PRMT5: variants seen among roughly 807,000 people sequenced by gnomAD.
PRMT5 encodes the protein protein arginine methyltransferase 5.
In PRMT5, 15 loss-of-function variants were observed where a neutral mutation model predicts 84.0. The observed-to-expected ratio is 0.18, with a 90% CI of 0.12 to 0.28. PRMT5 has a LOEUF of 0.28. PRMT5 is among the 10% of genes least tolerant of loss of function. The pLI, the probability that PRMT5 is intolerant of heterozygous loss-of-function variation, is 1.00. For synonymous variants in PRMT5, 276 were observed against 292.4 expected (o/e 0.94, Z 0.57); for missense variants, 486 against 808.0 (o/e 0.60, Z 4.83).
intron 15 of PRMT5, 91 bp downstream of exon 15, chr14:22,922,352 G>C (rs2044319416): frequency 7.1e-7 from 1 of 1,406,364 alleles, no homozygotes. Context: ...TTGAGCACTG[G>C]GCCCCCCATA....
chr14:22,926,651 T>TC (rs747016943), intron 5 of PRMT5, 51 bp downstream of exon 5: 2 of 1,595,706 alleles, frequency 1.3e-6, no homozygotes, highest in South Asian at 2.2e-5. Flanking sequence ...ACCCTGTACT[T>TC]CCCCTCACCC....
At position 22,924,982 on chromosome 14, in the gene PRMT5, G is replaced by A. The variant is rs746326415; in HGVS notation, c.836C>T (p.Ser279Phe). 1 of 1,614,062 alleles carries A rather than the reference G, an allele frequency of 6.2e-7. No individual in the cohort carries two copies. Among genetic ancestry groups the A allele is most frequent in the Non-Finnish European group, 8.5e-7 (1 of 1,180,008 alleles). ...TAAGTATTCCAGGTATTGGAGGTAGGAGCAGAACTCCTTCTCTGAGTGGTG... is the reference window on the plus strand; with the variant it reads ...TAAGTATTCCAGGTATTGGAGGTAGAAGCAGAACTCCTTCTCTGAGTGGTG... Reference protein sequence around the residue: ...TNHHSEKEFCSYLQYLEYLSQ... With the variant: ...TNHHSEKEFCFYLQYLEYLSQ... Residue 279 changes from serine (S) to phenylalanine (F), a missense_variant, in exon 8 of 17, where the codon TCC becomes TTC. Coordinates refer to ENST00000324366, the MANE Select transcript of PRMT5 (RefSeq NM_006109.5). The surrounding 1 kb of genome is among the most constrained non-coding windows in gnomAD (Gnocchi z 6.5).
Position 22,924,547 on chromosome 14 carries a change from GGA to G in PRMT5, c.1018-12_1018-11del, listed in dbSNP as rs760855896. The G allele has an allele frequency of 6.2e-7, 1 of 1,613,870 alleles. No individual in the cohort carries two copies. The highest frequency in any genetic ancestry group is 2.2e-5 in the East Asian group (1 of 44,868). On this transcript the variant is annotated splice_polypyrimidine_tract_variant and intron_variant, in intron 9 of 16. Transcript: ENST00000324366. The surrounding 1 kb of genome is among the most constrained non-coding windows in gnomAD (Gnocchi z 6.5). ...GACATTTATAGATGGCCTGGAGGGA[GGA>G]GAGAATATCCCATGGTTGTAATCCC... is the stretch of plus-strand genomic sequence containing the variant.
chr14:22,922,283 G>A (rs745600051), intron 15 of PRMT5, 43 bp from the exon 16 acceptor site: 1 of 1,531,968 alleles, frequency 6.5e-7, no homozygotes, highest in South Asian at 1.1e-5. Flanking sequence ...CTCCATGGCT[G>A]TGACTTTTGC....
intron 5 of PRMT5, 26 bp downstream of exon 5, chr14:22,926,676 T>G: frequency 6.2e-7 from 1 of 1,607,604 alleles, no homozygotes; most frequent in Non-Finnish European, 8.5e-7. Flanking sequence ...CCTTGCACCC[T>G]GGTACAGCAG....
Position 22,922,935 on chromosome 14 carries a change from A to G in PRMT5, c.1486-100T>C, listed in dbSNP as rs2044336961. On this transcript the variant is annotated intron_variant, in intron 13 of 16. Transcript: ENST00000324366. ...AAAGTTTTACTTTAGTGCTTCCCCAATCCCTAACTTCTCCTTCACCTCTTC... is the reference window on the plus strand; with the variant it reads ...AAAGTTTTACTTTAGTGCTTCCCCAGTCCCTAACTTCTCCTTCACCTCTTC... 5.7e-6 allele frequency: 8 copies of G among 1,403,794 alleles called. No individual in the cohort carries two copies. The East Asian group carries it at 1.7e-4, about 30-fold the overall frequency. 87.0% of individuals were successfully genotyped at this position (1,403,794 alleles called of 1,614,324 possible).
Position 22,923,909 on chromosome 14 carries a change from A to C in PRMT5, c.1375+99T>G, listed in dbSNP as rs1447920948. The C allele has an allele frequency of 2.2e-6, 3 of 1,347,162 alleles. No individual in the cohort carries two copies. The Admixed American group carries it at 7.1e-5, about 32-fold the overall frequency. 83.5% of individuals were successfully genotyped at this position (1,347,162 alleles called of 1,614,324 possible). On this transcript the variant is annotated intron_variant, in intron 12 of 16. Coordinates refer to ENST00000324366, the MANE Select transcript of PRMT5 (RefSeq NM_006109.5). This position sits in a 1 kb window ranked among gnomAD's most constrained non-coding sequence, Gnocchi z 5.2. ...GTGGCTCTCAAACTCATATGATGTG[A>C]CCCAGGTCCAACCCACTTTCCCCTA...
chr14:22,921,245 G>GA, intron 16 of PRMT5, 189 bp from the exon 17 acceptor site: 1 of 649,518 alleles, frequency 1.5e-6, no homozygotes, highest in Non-Finnish European at 2.6e-6. Context: ...TACAGAGTCA[G>GA]AAAAACACCT....
intron 14 of PRMT5, 52 bp from the exon 15 acceptor site, chr14:22,922,611 T>C (rs2044326224): frequency 6.5e-7 from 1 of 1,541,506 alleles, no homozygotes; most frequent in African/African-American, 1.4e-5. Context: ...TCTAGACAAC[T>C]TGATAAAGCA....
rs780778971 is a variant in PRMT5 at position 22,922,542 on chromosome 14, T to C, written c.1597A>G (p.Asn533Asp). 1.2e-6 allele frequency: 2 copies of C among 1,613,804 alleles called. No homozygotes were observed. The highest frequency in any genetic ancestry group is 1.7e-6 in the Non-Finnish European group (2 of 1,179,676). Residue 533 changes from asparagine (N) to aspartate (D), a missense_variant, in exon 15 of 17, where the codon AAC becomes GAC. Physicochemically the swap from Asn to Asp is conservative, Grantham distance 23 (BLOSUM62 1). Coordinates refer to ENST00000324366, the MANE Select transcript of PRMT5 (RefSeq NM_006109.5). Reference sequence around the variant, plus strand: ...GGAAATTCCAAGGTGCAATAGCGGTTGTTGTCAATCATAGGATCTGTCAGG... The same window carrying C: ...GGAAATTCCAAGGTGCAATAGCGGTCGTTGTCAATCATAGGATCTGTCAGG... ...HPNRDPMIDN[N>D]RYCTLEFPVE... is the part of the protein sequence containing the mutation.
Position 22,922,191 on chromosome 14 carries a change from G to A in PRMT5, c.1746C>T (p.Ile582=). Residue 582 remains isoleucine (I), a synonymous_variant, in exon 16 of 17, where the codon ATC becomes ATT. Coordinates refer to ENST00000324366, the MANE Select transcript of PRMT5 (RefSeq NM_006109.5). ...HSPGMFSWFP[I]LFPIKQPITV... is the part of the protein sequence containing the mutation. ...CAGTTCCTACCTTAATAGGGAAGAG[G>A]ATGGGAAACCATGAGAACATCCCAG... 6.3e-7 allele frequency: 1 copy of A among 1,586,846 alleles called. No homozygotes were observed. The highest frequency in any genetic ancestry group is 1.3e-5 in the African/African-American group (1 of 74,420).
chr14:22,921,997 G>A lies in PRMT5; in HGVS notation c.1761+179C>T, dbSNP rs1014164882. 23 of 642,042 alleles carry A rather than the reference G, an allele frequency of 3.6e-5. No individual in the cohort carries two copies. The African/African-American group carries it at 3.6e-4, about 10-fold the overall frequency. 39.8% of individuals were successfully genotyped at this position (642,042 alleles called of 1,614,324 possible). ...ACAGAAGAGTAGCCAGAGTAGATGCGGGAAAGCCAGGCAGAAGGCCACTCC... is the reference window on the plus strand; with the variant it reads ...ACAGAAGAGTAGCCAGAGTAGATGCAGGAAAGCCAGGCAGAAGGCCACTCC... On this transcript the variant is annotated intron_variant, in intron 16 of 16. Coordinates refer to ENST00000324366, the MANE Select transcript of PRMT5 (RefSeq NM_006109.5).
chr14:22,928,933 TC>T lies in PRMT5; in HGVS notation c.110+318del, dbSNP rs2044485621. ...GATTTGCCCCAGTTCTGCCCATGCC[TC>T]CCCCGTCAAAATTAGCCTCTTCTCT... On this transcript the variant is annotated intron_variant, in intron 1 of 16. Transcript: ENST00000324366. This position sits in a 1 kb window ranked among gnomAD's most constrained non-coding sequence, Gnocchi z 4.8. The T allele has an allele frequency of 1.6e-6, 1 of 609,616 alleles. No individual in the cohort carries two copies. The allele number at this position is 609,616 out of a possible 1,614,324, so 37.8% of individuals were successfully genotyped here.
In PRMT5 at chr14:22,924,543, G is replaced by C. The variant is rs2044374910; in HGVS notation, c.1018-6C>G. 1 of 1,613,810 alleles carries C rather than the reference G, an allele frequency of 6.2e-7. No homozygotes were observed. Among genetic ancestry groups the C allele is most frequent in the African/African-American group, 1.3e-5 (1 of 74,904 alleles). ...AGCAGACATTTATAGATGGCCTGGA[G>C]GGAGGAGAGAATATCCCATGGTTGT... is the stretch of plus-strand genomic sequence containing the variant. On this transcript the variant is annotated splice_region_variant and splice_polypyrimidine_tract_variant and intron_variant, in intron 9 of 16. Coordinates refer to ENST00000324366, the MANE Select transcript of PRMT5 (RefSeq NM_006109.5). The surrounding 1 kb of genome is among the most constrained non-coding windows in gnomAD (Gnocchi z 6.5).
rs573070409 is a variant in PRMT5, at chr14:22,923,654, C to T, written c.1375+354G>A. 6.6e-6 allele frequency among the ~76,000 whole-genome samples: 1 copy of T among 152,148 alleles called. No homozygotes were observed. Among genetic ancestry groups the T allele is most frequent in the Admixed American group, 6.5e-5 (1 of 15,278 alleles). Reference sequence around the variant, plus strand: ...TCAGCCTCCCGAGTAGCTGGGATTACAGGCGTGCACCGCCACGCCTGGCTA... The same window carrying T: ...TCAGCCTCCCGAGTAGCTGGGATTATAGGCGTGCACCGCCACGCCTGGCTA... On this transcript the variant is annotated intron_variant, in intron 12 of 16. Transcript: ENST00000324366. This position sits in a 1 kb window ranked among gnomAD's most constrained non-coding sequence, Gnocchi z 5.2.
intron 7 of PRMT5, 110 bp from the exon 8 acceptor site, chr14:22,925,150 T>A: frequency 9.7e-5 from 97 of 1,004,412 alleles, no homozygotes; most frequent in Non-Finnish European, 1.2e-4. Context: ...TCAACAGTTC[T>A]CTTTTTTTTT....
chr14:22,924,333 G>A lies in PRMT5; in HGVS notation c.1136C>T (p.Ala379Val), dbSNP rs1256840191. ...GPLVNASLRA[A>V]KQADRRIKLY... ...CTTTATCCGCCGGTCGGCCTGCTTG[G>A]CTGCCCGCAGGGAAGCGTTCACCAG... is the stretch of plus-strand genomic sequence containing the variant. Residue 379 changes from alanine to valine, a missense_variant, in exon 11 of 17, where the codon GCC becomes GTC. This residue lies in a region of PRMT5 where 219 missense variants were observed against 433.6 expected (regional missense o/e 0.51). Coordinates refer to ENST00000324366, the MANE Select transcript of PRMT5 (RefSeq NM_006109.5). This position sits in a 1 kb window ranked among gnomAD's most constrained non-coding sequence, Gnocchi z 6.5. 1.3e-5 allele frequency: 21 copies of A among 1,614,072 alleles called. No individual in the cohort carries two copies. The East Asian group carries it at 4.5e-4, about 34-fold the overall frequency.
chr14:22,922,859 A>G (rs767332082), intron 13 of PRMT5, 24 bp from the exon 14 acceptor site: 1 of 1,605,828 alleles, frequency 6.2e-7, no homozygotes, highest in African/African-American at 1.3e-5. Flanking sequence ...AAAGAGAGAG[A>G]GAGTGTTGGG....
chr14:22,922,316 TC>T, intron 15 of PRMT5, 76 bp from the exon 16 acceptor site: 4 of 1,354,126 alleles, frequency 3.0e-6, no homozygotes, highest in Non-Finnish European at 4.1e-6. Flanking sequence ...GGGTCTCTTC[TC>T]TAATCACACA....
Sources: gnomAD v4.1 joint callset for allele counts (sites outside exome capture counted in the v4.1 genomes callset) on GRCh38, gnomAD v4.1.1 for gene constraint, gnomAD v4.1.1 regional missense constraint, Gnocchi (gnomAD v3.1) non-coding constraint, MANE v1.5 for transcripts, NCBI Gene and HGNC (gene_info 2026-07-23, HGNC 2026-07-21) for gene names.